Variants in SUPT3H observed in about 807,000 individuals in gnomAD.
The protein encoded by SUPT3H is transcription initiation protein SPT3 homolog.
In SUPT3H, 44 loss-of-function variants were observed where a neutral mutation model predicts 44.3. That is an observed-to-expected ratio of 0.99 (90% CI 0.78 to 1.28). The LOEUF is 1.28. Among genes scored for constraint, SUPT3H ranks in the 50% most tolerant of loss-of-function variants. The pLI, the probability that SUPT3H is intolerant of heterozygous loss-of-function variation, is 0.00. For synonymous variants in SUPT3H, 124 were observed against 125.6 expected (o/e 0.99, Z 0.09); for missense variants, 380 against 387.1 (o/e 0.98, Z 0.15).
At chr6:45,283,090 A>G (rs996484177) in intron 2 of SUPT3H, among the ~76,000 whole-genome samples, 2 of 152,340 alleles carry the variant, frequency 1.3e-5, no homozygotes, top group East Asian at 1.9e-4. Context: ...AGGAAGCACT[A>G]AACATGGAAA....
At chr6:45,182,735 C>T (rs969820748) in intron 2 of SUPT3H, among the ~76,000 whole-genome samples, 4 of 152,112 alleles carry the variant, frequency 2.6e-5, no homozygotes, top group Admixed American at 2.0e-4. Flanking sequence ...GATGACTTAT[C>T]GTTACTTTGA....
At chr6:45,253,676 C>T (rs1772774439) in intron 2 of SUPT3H, among the ~76,000 whole-genome samples, 1 of 151,562 alleles carries the variant, frequency 6.6e-6, no homozygotes, top group African/African-American at 2.4e-5. Context: ...GCCTAGAGTC[C>T]TAGCTACTTG....
intron 2 of SUPT3H, among the ~76,000 whole-genome samples, chr6:45,290,087 G>T (rs1227913194): frequency 3.3e-5 from 5 of 151,938 alleles, no homozygotes; most frequent in Admixed American, 2.6e-4. Context: ...GCCTGAGGTG[G>T]GGCAATCGCT....
chr6:45,283,179 A>C (rs1172487983), intron 2 of SUPT3H, among the ~76,000 whole-genome samples: 1 of 152,198 alleles, frequency 6.6e-6, no homozygotes, highest in Non-Finnish European at 1.5e-5. Flanking sequence ...TGCATCAACT[A>C]ACGAGCAAAA....
chr6:45,364,855 T>C (rs1179298116), intron 2 of SUPT3H, among the ~76,000 whole-genome samples: 1 of 152,130 alleles, frequency 6.6e-6, no homozygotes, highest in Non-Finnish European at 1.5e-5. Flanking sequence ...TCCAAGAATA[T>C]AATCAGTCTC....
At chr6:45,163,183 T>TA in intron 2 of SUPT3H, among the ~76,000 whole-genome samples, 1 of 152,304 alleles carries the variant, frequency 6.6e-6, no homozygotes, top group Non-Finnish European at 1.5e-5. Context: ...GGAAACAACT[T>TA]AAAAAGCTTT....
At position 45,118,606 on chromosome 6, in the gene SUPT3H, T is replaced by C. The variant is rs1463365082; in HGVS notation, c.102-12600A>G. ...AATAGGTTTCAGGTCTTCTCACTTT[T>C]GTACATGATATTTTCTCTGTCAAAT... On this transcript the variant is annotated intron_variant, in intron 2 of 10. Coordinates refer to ENST00000371459, the MANE Select transcript of SUPT3H (RefSeq NM_003599.4). Among the ~76,000 whole-genome samples, 3 of 152,160 alleles carry C rather than the reference T, an allele frequency of 2.0e-5. No individual in the cohort carries two copies. In the East Asian group the frequency reaches 5.8e-4, roughly 29 times the overall value.
At chr6:45,335,951 C>T (rs866895531) in intron 2 of SUPT3H, among the ~76,000 whole-genome samples, 2 of 151,180 alleles carry the variant, frequency 1.3e-5, no homozygotes, top group African/African-American at 4.8e-5. Context: ...AAGATAATGC[C>T]TATGGAGATA....
intron 2 of SUPT3H, among the ~76,000 whole-genome samples, chr6:45,253,848 C>CATAT (rs34256293): frequency 0.028 from 2,515 of 88,708 alleles, 172 homozygotes; most frequent in East Asian, 0.065. Flanking sequence ...CACATATACG[C>CATAT]ATATATATAT....
chr6:44,821,822 T>C (rs757515560), downstream of SUPT3H, among the ~76,000 whole-genome samples: 16 of 152,176 alleles, frequency 1.1e-4, no homozygotes, highest in South Asian at 2.1e-4. Flanking sequence ...CTACTCACCA[T>C]TGGAGAACGA....
chr6:45,290,881 G>A lies in SUPT3H; in HGVS notation c.101+74320C>T, dbSNP rs184871941. Among the ~76,000 whole-genome samples, 991 of 152,228 alleles carry A rather than the reference G, an allele frequency of 6.5e-3. 6 individuals carry two copies. Among genetic ancestry groups the A allele is most frequent in the Non-Finnish European group, 9.7e-3 (659 of 68,028 alleles). Reference sequence around the variant, plus strand: ...GAGGAATCTGAGGCCCAAGAAAATGGATGGATCATGGCAGACAGGAGGCAG... The same window carrying A: ...GAGGAATCTGAGGCCCAAGAAAATGAATGGATCATGGCAGACAGGAGGCAG... On this transcript the variant is annotated intron_variant, in intron 2 of 10. Transcript: ENST00000371459.
intron 6 of SUPT3H, among the ~76,000 whole-genome samples, chr6:45,002,815 T>C (rs1026937166): frequency 3.3e-5 from 5 of 152,098 alleles, no homozygotes; most frequent in African/African-American, 9.7e-5. Context: ...TCCTCCAAAG[T>C]TTAACATAAA....
chr6:45,236,269 G>A (rs760404546), intron 2 of SUPT3H, among the ~76,000 whole-genome samples: 9 of 152,088 alleles, frequency 5.9e-5, no homozygotes, highest in African/African-American at 1.4e-4. Flanking sequence ...AACCCAGGTC[G>A]AAAGGTCGCC....
chr6:45,128,559 C>CATATATAT (rs1802890536), intron 2 of SUPT3H, among the ~76,000 whole-genome samples: 5 of 44,092 alleles, frequency 1.1e-4, no homozygotes, highest in Middle Eastern at 0.037. Flanking sequence ...TATATATATA[C>CATATATAT]ACACACACAC....
intron 2 of SUPT3H, among the ~76,000 whole-genome samples, chr6:45,330,247 T>C (rs1584943837): frequency 1.3e-5 from 2 of 152,034 alleles, no homozygotes; most frequent in East Asian, 3.9e-4. Context: ...AGTATTACTC[T>C]AAAAACTTCT....
At chr6:45,181,871 AT>A (rs1186958442) in intron 2 of SUPT3H, among the ~76,000 whole-genome samples, 14 of 1,148 alleles carry the variant, frequency 0.012, no homozygotes, top group Admixed American at 0.024. Flanking sequence ...TATAATAATA[AT>A]AAATAAATAA....
Position 44,954,613 on chromosome 6 carries a change from C to T in SUPT3H, c.581-6G>A, listed in dbSNP as rs764317824. On this transcript the variant is annotated splice_polypyrimidine_tract_variant and splice_region_variant and intron_variant, in intron 7 of 10. Transcript: ENST00000371459. ...AAATTTGGAAGCTTTTTTGGCTGGC[C>T]ATTTAAAAAAAACAAGTGCAGAAAT... is the stretch of plus-strand genomic sequence containing the variant. 1 of 1,589,332 alleles carries T rather than the reference C, an allele frequency of 6.3e-7. No individual in the cohort carries two copies. Among genetic ancestry groups the T allele is most frequent in the South Asian group, 1.1e-5 (1 of 88,848 alleles).
chr6:44,983,701 A>G (rs890799521), intron 6 of SUPT3H, among the ~76,000 whole-genome samples: 6 of 152,212 alleles, frequency 3.9e-5, no homozygotes, highest in African/African-American at 1.2e-4. Flanking sequence ...CTAATATAGT[A>G]TTTAAATATT....
chr6:45,124,481 C>T (rs1293185011), intron 2 of SUPT3H, among the ~76,000 whole-genome samples: 1 of 151,604 alleles, frequency 6.6e-6, no homozygotes, highest in Non-Finnish European at 1.5e-5. Context: ...CCCCCCTCTA[C>T]TAAAAATACA....
Sources: gnomAD v4.1 joint callset for allele counts (sites outside exome capture counted in the v4.1 genomes callset) on GRCh38, gnomAD v4.1.1 for gene constraint, MANE v1.5 for transcripts, NCBI Gene and HGNC (gene_info 2026-07-23, HGNC 2026-07-21) for gene names.